The following ATRNL1 variants were observed in gnomAD, a reference collection of about 807,000 sequenced individuals.
ATRNL1 encodes attractin-like protein 1.
Under a neutral mutation model 182.7 loss-of-function variants are expected in ATRNL1, and 95 were observed. The observed-to-expected ratio is 0.52, with a 90% CI of 0.44 to 0.62. ATRNL1 has a LOEUF of 0.62. ATRNL1 is among the 20% of genes least tolerant of loss of function. ATRNL1 has a pLI of 0.00. For synonymous variants in ATRNL1, 576 were observed against 568.3 expected (o/e 1.01, Z -0.19); for missense variants, 1,471 against 1,679.5 (o/e 0.88, Z 2.17).
chr10:115,327,239 A>G (rs1854944001), intron 18 of ATRNL1, among the ~76,000 whole-genome samples: 1 of 147,388 alleles, frequency 6.8e-6, no homozygotes, highest in Admixed American at 6.8e-5. Context: ...AATTTACAAG[A>G]AAAAAAACAA....
chr10:115,325,599 A>T (rs1047475088), intron 18 of ATRNL1, among the ~76,000 whole-genome samples: 3 of 152,132 alleles, frequency 2.0e-5, no homozygotes, highest in African/African-American at 7.2e-5. Context: ...TCCTTGATTT[A>T]TACTTTCCAC....
chr10:115,368,813 A>T (rs574552863), intron 19 of ATRNL1, among the ~76,000 whole-genome samples: 46 of 151,636 alleles, frequency 3.0e-4, no homozygotes, highest in African/African-American at 1.1e-3. Context: ...TCCTGGGTTC[A>T]AGTGATTCTC....
At chr10:115,899,021 A>G (rs1310108885) in intron 28 of ATRNL1, among the ~76,000 whole-genome samples, 2 of 150,958 alleles carry the variant, frequency 1.3e-5, no homozygotes, top group African/African-American at 4.9e-5. Context: ...GGTTTGTTAC[A>G]CATGTATACA....
chr10:115,492,379 T>C (rs1218959642), intron 24 of ATRNL1, among the ~76,000 whole-genome samples: 1 of 152,070 alleles, frequency 6.6e-6, no homozygotes, highest in Admixed American at 6.6e-5. Context: ...ATTGCTAATG[T>C]TTTGAAAAAT....
At position 115,102,646 on chromosome 10, in the gene ATRNL1, G is replaced by A. The variant is rs541893518; in HGVS notation, c.293+8603G>A. Among the ~76,000 whole-genome samples, 9 of 148,434 alleles carry A rather than the reference G, an allele frequency of 6.1e-5. No individual in the cohort carries two copies. The East Asian group carries it at 1.7e-3, about 29-fold the overall frequency. On this transcript the variant is annotated intron_variant, in intron 1 of 28. Coordinates refer to ENST00000355044, the MANE Select transcript of ATRNL1 (RefSeq NM_207303.4). ...TTTGGTAGAGATGAGGTTTTGCCATGTTGGCCAGGCTGGTGGTCTCTAACT... is the reference window on the plus strand; with the variant it reads ...TTTGGTAGAGATGAGGTTTTGCCATATTGGCCAGGCTGGTGGTCTCTAACT...
At chr10:115,482,015 A>G (rs1295800992) in intron 24 of ATRNL1, among the ~76,000 whole-genome samples, 2 of 151,010 alleles carry the variant, frequency 1.3e-5, no homozygotes, top group African/African-American at 4.8e-5. Flanking sequence ...GAATTCATCA[A>G]TATCCATAAT....
intron 28 of ATRNL1, among the ~76,000 whole-genome samples, chr10:115,936,980 A>C (rs1953580211): frequency 6.6e-6 from 1 of 152,238 alleles, no homozygotes; most frequent in South Asian, 2.1e-4. Context: ...AAATATTTTA[A>C]ATAAACCAAG....
At chr10:115,749,605 T>C (rs1156920545) in intron 27 of ATRNL1, among the ~76,000 whole-genome samples, 1 of 151,906 alleles carries the variant, frequency 6.6e-6, no homozygotes, top group Non-Finnish European at 1.5e-5. Flanking sequence ...TTAAAACTGA[T>C]CTTTTATAAC....
chr10:115,644,657 G>A (rs191263788), intron 26 of ATRNL1, among the ~76,000 whole-genome samples: 1 of 152,236 alleles, frequency 6.6e-6, no homozygotes, highest in Non-Finnish European at 1.5e-5. Flanking sequence ...TCACAGTGCT[G>A]TGAGAATTTA....
chr10:115,601,516 A>G (rs1361369285), intron 26 of ATRNL1, among the ~76,000 whole-genome samples: 1 of 152,042 alleles, frequency 6.6e-6, no homozygotes, highest in Non-Finnish European at 1.5e-5. Flanking sequence ...TGCTCCTTTC[A>G]GTTTTGTCAG....
intron 1 of ATRNL1, 40 bp downstream of exon 1, chr10:115,094,083 T>A: frequency 7.5e-7 from 1 of 1,340,928 alleles, no homozygotes; most frequent in Non-Finnish European, 9.6e-7. Flanking sequence ...CAGCCCTGCC[T>A]CGCTCCCGTC....
intron 10 of ATRNL1, among the ~76,000 whole-genome samples, chr10:115,247,840 A>G (rs1554904465): frequency 6.6e-6 from 1 of 152,224 alleles, no homozygotes; most frequent in African/African-American, 2.4e-5. Flanking sequence ...CTATTCAGCC[A>G]TAAAAAGAAT....
intron 27 of ATRNL1, among the ~76,000 whole-genome samples, chr10:115,803,699 G>A (rs1949852459): frequency 6.6e-6 from 1 of 151,416 alleles, no homozygotes; most frequent in South Asian, 2.1e-4. Flanking sequence ...TCTCACTATA[G>A]GCCATTTTTC....
chr10:115,479,173 A>T (rs1554973664), intron 24 of ATRNL1, among the ~76,000 whole-genome samples: 8 of 151,666 alleles, frequency 5.3e-5, no homozygotes, highest in Non-Finnish European at 1.2e-4. Flanking sequence ...TTTGGTATTT[A>T]CTTGTTAATA....
intron 28 of ATRNL1, among the ~76,000 whole-genome samples, chr10:115,868,427 A>C (rs1354251906): frequency 6.6e-6 from 1 of 152,206 alleles, no homozygotes. Context: ...CCCACTCATT[A>C]CCCTAAGAGT....
intron 3 of ATRNL1, among the ~76,000 whole-genome samples, chr10:115,127,232 G>C (rs891087641): frequency 2.6e-5 from 4 of 152,104 alleles, no homozygotes; most frequent in Non-Finnish European, 5.9e-5. Context: ...GGTTTTATTA[G>C]AGTAGCAAGG....
chr10:115,833,209 T>C (rs1301159732), intron 27 of ATRNL1, among the ~76,000 whole-genome samples: 1 of 152,210 alleles, frequency 6.6e-6, no homozygotes, highest in East Asian at 1.9e-4. Context: ...AAATAAGTTA[T>C]TGAGTTTACT....
chr10:115,824,567 A>G (rs1950381784), intron 27 of ATRNL1, among the ~76,000 whole-genome samples: 1 of 152,208 alleles, frequency 6.6e-6, no homozygotes, highest in Non-Finnish European at 1.5e-5. Context: ...GAACTTAAAG[A>G]AACTTACAAG....
At chr10:115,823,615 G>A (rs542579743) in intron 27 of ATRNL1, among the ~76,000 whole-genome samples, 19 of 152,234 alleles carry the variant, frequency 1.2e-4, no homozygotes, top group African/African-American at 3.9e-4. Context: ...AAACTCACAA[G>A]CATTCCATAC....
Sources: gnomAD v4.1 joint callset for allele counts (sites outside exome capture counted in the v4.1 genomes callset) on GRCh38, gnomAD v4.1.1 for gene constraint, MANE v1.5 for transcripts, NCBI Gene and HGNC (gene_info 2026-07-23, HGNC 2026-07-21) for gene names.